GPI: variants seen among roughly 807,000 people sequenced by gnomAD.
The protein encoded by GPI is glucose-6-phosphate isomerase.
A neutral mutation model predicts 75.8 loss-of-function variants in GPI; 56 were observed. The observed-to-expected ratio is 0.74, with a 90% CI of 0.60 to 0.92. The LOEUF (loss-of-function observed/expected upper bound fraction) is 0.92. Ranked by LOEUF, GPI falls within the 40% of genes least tolerant of loss-of-function variation. The pLI, the probability that GPI is intolerant of heterozygous loss-of-function variation, is 0.00. For synonymous variants in GPI, 288 were observed against 285.4 expected (o/e 1.01, Z -0.09); for missense variants, 638 against 741.0 (o/e 0.86, Z 1.61).
chr19:34,379,266 C>T (rs1378956799), intron 7 of GPI, among the ~76,000 whole-genome samples: 6 of 152,228 alleles, frequency 3.9e-5, no homozygotes, highest in African/African-American at 1.2e-4. Flanking sequence ...GCTGCAGGAA[C>T]TCTTGGCCAC....
rs1206954024 is a variant in GPI, at chr19:34,401,213, AGAGACGGGTCTTTTTTTTTTTT to A, written c.*1185_*1206del. 6.7e-6 allele frequency: 1 copy of A among 150,192 alleles called. No homozygotes were observed. Among genetic ancestry groups the A allele is most frequent in the Non-Finnish European group, 1.5e-5 (1 of 67,632 alleles). The allele number at this position is 150,192 out of a possible 1,614,324, so 9.3% of individuals were successfully genotyped here. On this transcript the variant is annotated 3_prime_UTR_variant, in exon 18 of 18. Coordinates refer to ENST00000356487, the MANE Select transcript of GPI (RefSeq NM_000175.5). ...CTGCTAGTTTTTTCATTTTTTGTAGAGAGACGGGTCTTTTTTTTTTTTGAGACGGAGTCTCGCTCTGTCGCCC... is the reference window on the plus strand; with the variant it reads ...CTGCTAGTTTTTTCATTTTTTGTAGAGAGACGGAGTCTCGCTCTGTCGCCC...
At chr19:34,375,252 C>T (rs1242135370) in intron 4 of GPI, among the ~76,000 whole-genome samples, 2 of 151,754 alleles carry the variant, frequency 1.3e-5, no homozygotes, top group African/African-American at 4.8e-5. Context: ...AAGCAATTCT[C>T]CTGCCTCAGC....
At chr19:34,386,169 CGAA>C (rs2074731953) in intron 9 of GPI, among the ~76,000 whole-genome samples, 3 of 150,844 alleles carry the variant, frequency 2.0e-5, no homozygotes, top group Non-Finnish European at 4.4e-5. Context: ...GAGAACCCAG[CGAA>C]AAGCTCAGGT....
chr19:34,362,159 T>G (rs866774453), upstream of GPI, among the ~76,000 whole-genome samples: 110 of 138,034 alleles, frequency 8.0e-4, no homozygotes, highest in African/African-American at 2.7e-3. Flanking sequence ...AGGTGGCGGG[T>G]GCCTGTAACC....
In GPI at chr19:34,377,521, T is replaced by C. The variant is rs1310271176; in HGVS notation, c.421T>C (p.Trp141Arg). ...GTGCCAGCGTGTCCGGAGCGGTGAC[T>C]GGAAGGGGTACACAGGCAAGACCAT... is the stretch of plus-strand genomic sequence containing the variant. ...SFCQRVRSGD[W>R]KGYTGKTITD... is the part of the protein sequence containing the mutation. The change falls in exon 5 of 18, where the codon TGG becomes CGG. Residue 141 changes from tryptophan to arginine, a missense_variant. Physicochemically the swap from Trp to Arg is moderately radical, Grantham distance 101. Coordinates refer to ENST00000356487, the MANE Select transcript of GPI (RefSeq NM_000175.5). 6.2e-7 allele frequency: 1 copy of C among 1,612,466 alleles called. No individual in the cohort carries two copies. Among genetic ancestry groups the C allele is most frequent in the East Asian group, 2.2e-5 (1 of 44,814 alleles).
upstream of GPI, among the ~76,000 whole-genome samples, chr19:34,360,063 A>G (rs1261843770): frequency 6.6e-6 from 1 of 152,106 alleles, no homozygotes; most frequent in Non-Finnish European, 1.5e-5. Flanking sequence ...TCAGGGCCAC[A>G]TCATCTTGCT....
chr19:34,377,516 G>A lies in GPI; in HGVS notation c.416G>A (p.Gly139Asp). ...CCCCTGTGCCAGCGTGTCCGGAGCGGTGACTGGAAGGGGTACACAGGCAAG... is the reference window on the plus strand; with the variant it reads ...CCCCTGTGCCAGCGTGTCCGGAGCGATGACTGGAAGGGGTACACAGGCAAG... ...MKSFCQRVRS[G>D]DWKGYTGKTI... The change falls in exon 5 of 18, where the codon GGT becomes GAT. Residue 139 changes from glycine (G) to aspartate (D), a missense_variant. By Grantham distance (94) the Gly-to-Asp change is moderately conservative (BLOSUM62 -1). Transcript: ENST00000356487. The A allele has an allele frequency of 1.9e-6, 3 of 1,612,554 alleles. No individual in the cohort carries two copies. The highest frequency in any genetic ancestry group is 2.5e-6 in the Non-Finnish European group (3 of 1,179,148).
intron 4 of GPI, 34 bp downstream of exon 4, chr19:34,368,736 CGT>C: frequency 6.2e-7 from 1 of 1,613,572 alleles, no homozygotes; most frequent in Non-Finnish European, 8.5e-7. Flanking sequence ...CACCCTTGGC[CGT>C]GTGTGTGAGT....
intron 9 of GPI, among the ~76,000 whole-genome samples, chr19:34,381,892 G>A (rs1262652258): frequency 2.0e-5 from 3 of 152,330 alleles, no homozygotes; most frequent in South Asian, 2.1e-4. Flanking sequence ...AGGGCAGGGT[G>A]AGGCATGAGG....
At chr19:34,373,433 G>A (rs1051932981) in intron 4 of GPI, among the ~76,000 whole-genome samples, 1 of 150,538 alleles carries the variant, frequency 6.6e-6, no homozygotes, top group South Asian at 2.1e-4. Flanking sequence ...GGTGCATGCC[G>A]GTAGTCCCAG....
At chr19:34,372,536 G>C (rs560825126) in intron 4 of GPI, among the ~76,000 whole-genome samples, 1 of 152,278 alleles carries the variant, frequency 6.6e-6, no homozygotes, top group African/African-American at 2.4e-5. Flanking sequence ...TGGCTGCTTA[G>C]GAGGCTGAGG....
intron 9 of GPI, among the ~76,000 whole-genome samples, chr19:34,386,099 T>TA (rs1350172092): frequency 1.3e-5 from 2 of 148,562 alleles, no homozygotes; most frequent in African/African-American, 5.0e-5. Context: ...GCCTGCCAGG[T>TA]ATGGTCTGAA....
At chr19:34,385,661 C>G (rs2074724552) in intron 9 of GPI, among the ~76,000 whole-genome samples, 1 of 152,138 alleles carries the variant, frequency 6.6e-6, no homozygotes, top group South Asian at 2.1e-4. Context: ...GTAAGAAGAA[C>G]CAAGTGTGTT....
chr19:34,385,402 C>T (rs1298055862), intron 9 of GPI, among the ~76,000 whole-genome samples: 1 of 150,476 alleles, frequency 6.6e-6, no homozygotes, highest in Non-Finnish European at 1.5e-5. Context: ...GGTAGAAGTT[C>T]TTCTCCTGGG....
At chr19:34,388,609 C>T (rs766630298) in intron 9 of GPI, among the ~76,000 whole-genome samples, 23 of 152,320 alleles carry the variant, frequency 1.5e-4, no homozygotes, top group Non-Finnish European at 2.8e-4. Context: ...TGTATGGTCT[C>T]AGAGGCCACT....
rs267606852 is a variant in GPI at position 34,365,280 on chromosome 19, C to T, written c.14C>T (p.Thr5Ile). Residue 5 changes from threonine (T) to isoleucine (I), a missense_variant, in exon 1 of 18, where the codon ACC (threonine) becomes ATC (isoleucine). Physicochemically the swap from Thr to Ile is moderately conservative, Grantham distance 89. Transcript: ENST00000356487. Reference sequence around the variant, plus strand: ...TCTAGTCCCGCCATGGCCGCTCTCACCCGGGACCCCCAGTTCCAGAAGCTG... The same window carrying T: ...TCTAGTCCCGCCATGGCCGCTCTCATCCGGGACCCCCAGTTCCAGAAGCTG... MAAL[T>I]RDPQFQKLQQ... is the part of the protein sequence containing the mutation. 2.5e-6 allele frequency: 4 copies of T among 1,578,396 alleles called. No individual in the cohort carries two copies. The highest frequency in any genetic ancestry group is 1.4e-5 in the African/African-American group (1 of 71,288).
intron 8 of GPI, chr19:34,381,198 G>T: frequency 1.8e-6 from 1 of 541,336 alleles, no homozygotes. Context: ...GTCCTCACAC[G>T]GGGTTACAGC....
Position 34,366,318 on chromosome 19 carries a change from G to T in GPI, c.123-27G>T, listed in dbSNP as rs545112581. On this transcript the variant is annotated intron_variant, in intron 1 of 17. Coordinates refer to ENST00000356487, the MANE Select transcript of GPI (RefSeq NM_000175.5). Reference sequence around the variant, plus strand: ...TCCCCGCTAGGGAGACCAGGGTGTGGTCAGCAGCATCTCCATCTTTCTGCA... The same window carrying T: ...TCCCCGCTAGGGAGACCAGGGTGTGTTCAGCAGCATCTCCATCTTTCTGCA... 3 of 1,446,528 alleles carry T rather than the reference G, an allele frequency of 2.1e-6. No homozygotes were observed. In the South Asian group the frequency reaches 3.4e-5, roughly 16 times the overall value. 89.6% of individuals were successfully genotyped at this position (1,446,528 alleles called of 1,614,324 possible). A position where few individuals can be genotyped will look rare whatever the true frequency, so the allele number is the denominator to read the frequency against.
chr19:34,365,061 G>A (rs1295076946), upstream of GPI: 5 of 1,487,468 alleles, frequency 3.4e-6, no homozygotes, highest in Non-Finnish European at 3.6e-6. Context: ...GCGGCCGCGG[G>A]CAAGGTCGCT....
Sources: allele counts gnomAD v4.1 joint callset (sites outside exome capture counted in the v4.1 genomes callset), GRCh38; gene constraint gnomAD v4.1.1; transcripts MANE v1.5; gene names NCBI Gene and HGNC (gene_info 2026-07-23, HGNC 2026-07-21).